Variants in GOLIM4 observed in about 807,000 individuals in gnomAD.
GOLIM4 encodes golgi integral membrane protein 4, also known as 130 kDa golgi-localized phosphoprotein.
Under a neutral mutation model 107.4 loss-of-function variants are expected in GOLIM4, and 71 were observed. The ratio of observed to expected loss-of-function variants is 0.66; its 90% CI spans 0.55 to 0.81. The LOEUF (loss-of-function observed/expected upper bound fraction) is 0.81, where lower values mean the gene tolerates loss of function less well. Ranked by LOEUF, GOLIM4 falls within the 30% of genes least tolerant of loss-of-function variation. The pLI is 0.00. For missense variants in GOLIM4, 830 were observed against 826.1 expected (o/e 1.00, Z -0.06); for synonymous variants, 327 against 294.8 (o/e 1.11, Z -1.12).
Position 168,095,354 on chromosome 3 carries a change from A to T in GOLIM4, c.-69T>A. 2 of 1,400,588 alleles carry T rather than the reference A, an allele frequency of 1.4e-6. 1 individual carries two copies. Among genetic ancestry groups the T allele is most frequent in the Non-Finnish European group, 2.0e-6 (2 of 1,016,778 alleles). 86.8% of individuals were successfully genotyped at this position (1,400,588 alleles called of 1,614,324 possible). A position where few individuals can be genotyped will look rare whatever the true frequency, so the allele number is the denominator to read the frequency against. On this transcript the variant is annotated 5_prime_UTR_variant, in exon 1 of 16. An upstream open reading frame in the 5' UTR loses its in-frame stop. Coordinates refer to ENST00000470487, the MANE Select transcript of GOLIM4 (RefSeq NM_014498.5). ...TCCCCTTGGTCCGAGCGAGCGTCTC[A>T]GCAGCGGCCGCCGCAGTAGGTGGCC...
At chr3:168,045,909 G>C (rs1719273667) in intron 3 of GOLIM4, among the ~76,000 whole-genome samples, 1 of 152,146 alleles carries the variant, frequency 6.6e-6, no homozygotes, top group Middle Eastern at 3.2e-3. Flanking sequence ...TTGAGATAGG[G>C]TCTGCCCTGT....
At chr3:168,091,312 G>A (rs1721896475) in intron 1 of GOLIM4, among the ~76,000 whole-genome samples, 1 of 152,036 alleles carries the variant, frequency 6.6e-6, no homozygotes, top group African/African-American at 2.4e-5. Context: ...GGAATGTCAG[G>A]CTCTTTGCCT....
chr3:168,087,834 G>A (rs1307522195), intron 1 of GOLIM4, among the ~76,000 whole-genome samples: 1 of 152,190 alleles, frequency 6.6e-6, no homozygotes, highest in African/African-American at 2.4e-5. Context: ...ACAGTTAAAT[G>A]ACATAATGCA....
intron 6 of GOLIM4, 123 bp downstream of exon 6, chr3:168,041,269 T>C: frequency 1.6e-6 from 1 of 639,578 alleles, no homozygotes; most frequent in South Asian, 2.0e-5. Flanking sequence ...CTCTAGTTAA[T>C]GCAAAGCCCA....
intron 7 of GOLIM4, among the ~76,000 whole-genome samples, chr3:168,038,080 T>C (rs562744468): frequency 2.0e-5 from 3 of 152,328 alleles, no homozygotes; most frequent in African/African-American, 7.2e-5. Context: ...TTTTTGCTTC[T>C]TTCTAGTGTA....
intron 1 of GOLIM4, among the ~76,000 whole-genome samples, chr3:168,089,805 G>A (rs894466765): frequency 7.1e-6 from 1 of 141,442 alleles, no homozygotes; most frequent in Non-Finnish European, 1.5e-5. Flanking sequence ...GTCTCGCTCT[G>A]TTGCCCAGGC....
At chr3:168,066,097 AAAG>A (rs562451836) in intron 1 of GOLIM4, among the ~76,000 whole-genome samples, 186 of 152,322 alleles carry the variant, frequency 1.2e-3, no homozygotes, top group Admixed American at 2.7e-3. Flanking sequence ...CAGGGATACA[AAAG>A]AAGACAAGAA....
intron 1 of GOLIM4, among the ~76,000 whole-genome samples, chr3:168,086,060 A>C (rs939539900): frequency 5.3e-5 from 8 of 152,142 alleles, no homozygotes; most frequent in Non-Finnish European, 1.2e-4. Context: ...AGTAAAAAAA[A>C]TTATTTTTCA....
At chr3:168,091,900 A>C (rs1478264141) in intron 1 of GOLIM4, among the ~76,000 whole-genome samples, 1 of 152,236 alleles carries the variant, frequency 6.6e-6, no homozygotes, top group African/African-American at 2.4e-5. Context: ...AAAAAATTCA[A>C]GTGTCTCTGG....
At chr3:168,078,421 T>C (rs1721177561) in intron 1 of GOLIM4, among the ~76,000 whole-genome samples, 1 of 152,190 alleles carries the variant, frequency 6.6e-6, no homozygotes, top group Admixed American at 6.5e-5. Flanking sequence ...GAAAACAATG[T>C]ATGTAATAAA....
intron 1 of GOLIM4, among the ~76,000 whole-genome samples, chr3:168,065,389 TA>T (rs1281965212): frequency 6.6e-6 from 1 of 152,232 alleles, no homozygotes; most frequent in Non-Finnish European, 1.5e-5. Context: ...AAAAGAAGAC[TA>T]TTTTTTATCT....
chr3:168,095,213 C>T lies in GOLIM4; in HGVS notation c.73G>A (p.Gly25Ser), dbSNP rs2108302149. 2 of 1,613,744 alleles carry T rather than the reference C, an allele frequency of 1.2e-6. No homozygotes were observed. The highest frequency in any genetic ancestry group is 1.3e-5 in the African/African-American group (1 of 75,034). ...QTLLLLTVVF[G>S]FLYGAMLYYE... ...TAGAGCATCGCGCCGTAGAGAAAGC[C>T]GAACACGACGGTCAGCAGCAGCAGC... Residue 25 changes from glycine (G) to serine (S), a missense_variant, in exon 1 of 16, where the codon GGC becomes AGC. Gly to Ser is a moderately conservative substitution (Grantham distance 56). Coordinates refer to ENST00000470487, the MANE Select transcript of GOLIM4 (RefSeq NM_014498.5).
intron 8 of GOLIM4, among the ~76,000 whole-genome samples, chr3:168,034,802 C>A (rs1023934149): frequency 1.3e-5 from 2 of 152,134 alleles, no homozygotes; most frequent in Admixed American, 6.5e-5. Context: ...AAGATCTGAT[C>A]GTTTTAAAAA....
intron 14 of GOLIM4, among the ~76,000 whole-genome samples, chr3:168,011,494 A>C (rs111612597): frequency 0.048 from 7,279 of 151,990 alleles, 232 homozygotes; most frequent in Middle Eastern, 0.082. Flanking sequence ...CCCAGGCTTG[A>C]TTAGGTAAAC....
In GOLIM4 at chr3:168,095,085, C is replaced by A; in HGVS notation, c.187+14G>T. 1.9e-6 allele frequency: 3 copies of A among 1,583,760 alleles called. No individual in the cohort carries two copies. The highest frequency in any genetic ancestry group is 1.7e-6 in the Non-Finnish European group (2 of 1,158,774). On this transcript the variant is annotated intron_variant, in intron 1 of 15. Coordinates refer to ENST00000470487, the MANE Select transcript of GOLIM4 (RefSeq NM_014498.5). ...AAAGTTGGCCACCGGCTGCGCGCGTCCCGTTAGCCGTACCTTGTAACTGGG... is the reference window on the plus strand; with the variant it reads ...AAAGTTGGCCACCGGCTGCGCGCGTACCGTTAGCCGTACCTTGTAACTGGG...
At chr3:168,076,216 T>C (rs899126828) in intron 1 of GOLIM4, among the ~76,000 whole-genome samples, 3 of 152,244 alleles carry the variant, frequency 2.0e-5, no homozygotes, top group Non-Finnish European at 4.4e-5. Context: ...ACTTAATTTT[T>C]AAATAAAAGA....
At chr3:168,016,945 TGAC>T (rs536012520) in intron 14 of GOLIM4, among the ~76,000 whole-genome samples, 1,669 of 145,202 alleles carry the variant, frequency 0.011, 23 homozygotes, top group Middle Eastern at 0.031. Context: ...TAATGCTAGA[TGAC>T]GAGTTAGTGG....
intron 1 of GOLIM4, among the ~76,000 whole-genome samples, chr3:168,065,503 T>C (rs1720503142): frequency 6.6e-6 from 1 of 152,234 alleles, no homozygotes; most frequent in Non-Finnish European, 1.5e-5. Context: ...TCTGTATGTA[T>C]GACTGTGTAA....
intron 8 of GOLIM4, 23 bp downstream of exon 8, chr3:168,036,813 G>A: frequency 1.3e-6 from 2 of 1,575,406 alleles, no homozygotes; most frequent in Non-Finnish European, 1.7e-6. Flanking sequence ...CCTAACCATA[G>A]ATTACCAGTT....
Sources: gnomAD v4.1 joint callset for allele counts (sites outside exome capture counted in the v4.1 genomes callset) on GRCh38, gnomAD v4.1.1 for gene constraint, MANE v1.5 for transcripts, NCBI Gene and HGNC (gene_info 2026-07-23, HGNC 2026-07-21) for gene names.